WNT3: variants seen among roughly 807,000 people sequenced by gnomAD.
The protein encoded by WNT3 is Wnt family member 3, also known as proto-oncogene Wnt-3.
Under a neutral mutation model 34.2 loss-of-function variants are expected in WNT3, and 7 were observed. That is an observed-to-expected ratio of 0.20 (90% CI 0.12 to 0.38). The LOEUF (loss-of-function observed/expected upper bound fraction) is 0.38. Ranked by LOEUF, WNT3 falls within the 10% of genes least tolerant of loss-of-function variation. The probability of loss-of-function intolerance (pLI) is 1.00; values close to 1 mark genes in which losing one functional copy is unlikely to be tolerated. For missense variants in WNT3, 267 were observed against 499.8 expected, an observed-to-expected ratio of 0.53 and a Z score of 4.44; for synonymous variants, 212 against 211.5, an observed-to-expected ratio of 1.00 and a Z score of -0.02.
intron 1 of WNT3, 51 bp from the exon 2 acceptor site, chr17:46,773,960 A>G: frequency 1.3e-6 from 2 of 1,592,230 alleles, no homozygotes; most frequent in South Asian, 1.1e-5. Context: ...CACAGAGCCC[A>G]TCCTGGGCAC....
chr17:46,771,855 C>G (rs2059375595), intron 2 of WNT3, among the ~76,000 whole-genome samples: 1 of 144,784 alleles, frequency 6.9e-6, no homozygotes, highest in African/African-American at 2.5e-5. Flanking sequence ...GGGCGCTTTT[C>G]AGGCCGCCCA....
rs182704186 is a variant in WNT3, at chr17:46,804,504, C to T, written c.80+14014G>A. Among the ~76,000 whole-genome samples the T allele has an allele frequency of 2.1e-3, 322 of 152,290 alleles. 1 individual carries two copies. The Middle Eastern group carries it at 0.037, about 18-fold the overall frequency. ...AAGGGAAGTGCTGTAAGACACCAGA[C>T]GGAAGCCTCTAAATCAGAGAGCTGA... On this transcript the variant is annotated intron_variant, in intron 1 of 4. Coordinates refer to ENST00000225512, the MANE Select transcript of WNT3 (RefSeq NM_030753.5).
At chr17:46,779,569 C>G (rs1247121947) in intron 1 of WNT3, among the ~76,000 whole-genome samples, 1 of 152,174 alleles carries the variant, frequency 6.6e-6, no homozygotes, top group Non-Finnish European at 1.5e-5. Context: ...GCACAACAGG[C>G]TGCTTGTGGA....
At chr17:46,785,806 C>T (rs2059499635) in intron 1 of WNT3, among the ~76,000 whole-genome samples, 1 of 152,070 alleles carries the variant, frequency 6.6e-6, no homozygotes, top group African/African-American at 2.4e-5. Flanking sequence ...GTGCTCCATC[C>T]CAGGGAGCCC....
intron 2 of WNT3, among the ~76,000 whole-genome samples, chr17:46,771,742 G>A (rs1161922062): frequency 8.6e-6 from 1 of 115,736 alleles, no homozygotes; most frequent in African/African-American, 3.2e-5. Flanking sequence ...AATCCCCATT[G>A]AAGCGGCGCC....
chr17:46,794,524 AG>A (rs1186328380), intron 1 of WNT3, among the ~76,000 whole-genome samples: 1 of 152,180 alleles, frequency 6.6e-6, no homozygotes, highest in Non-Finnish European at 1.5e-5. Flanking sequence ...AGCTCTGAGA[AG>A]GGCTCTTCAA....
rs143378027 is a variant in WNT3, at chr17:46,799,694, C to A, written c.80+18824G>T. Among the ~76,000 whole-genome samples the A allele has an allele frequency of 2.0e-4, 30 of 152,280 alleles. 2 individuals carry two copies. The South Asian group carries it at 6.2e-3, about 32-fold the overall frequency. ...AACTCCTGACCTCAAATGATCTGTC[C>A]GCCTTGGCCTCCCAAAATGTAGGGA... On this transcript the variant is annotated intron_variant, in intron 1 of 4. Coordinates refer to ENST00000225512, the MANE Select transcript of WNT3 (RefSeq NM_030753.5).
chr17:46,779,506 AG>A (rs1318469437), intron 1 of WNT3, among the ~76,000 whole-genome samples: 2 of 152,124 alleles, frequency 1.3e-5, no homozygotes, highest in African/African-American at 4.8e-5. Context: ...CCCACTGCCC[AG>A]CTGGGCCGAG....
chr17:46,796,235 T>A (rs2084052802), intron 1 of WNT3, among the ~76,000 whole-genome samples: 1 of 152,214 alleles, frequency 6.6e-6, no homozygotes, highest in Non-Finnish European at 1.5e-5. Context: ...ATTGAAATGA[T>A]GTAGATAAAG....
chr17:46,812,289 C>G (rs2084286556), intron 1 of WNT3, among the ~76,000 whole-genome samples: 1 of 152,188 alleles, frequency 6.6e-6, no homozygotes, highest in African/African-American at 2.4e-5. Context: ...GGGGAGGAGG[C>G]AGAAGTCTGG....
At chr17:46,797,177 G>A (rs895115617) in intron 1 of WNT3, among the ~76,000 whole-genome samples, 1 of 152,270 alleles carries the variant, frequency 6.6e-6, no homozygotes, top group Admixed American at 6.5e-5. Context: ...TGCCTGTGGC[G>A]ATTCTTAAGT....
chr17:46,789,141 G>C (rs1417268296), intron 1 of WNT3, among the ~76,000 whole-genome samples: 1 of 152,134 alleles, frequency 6.6e-6, no homozygotes, highest in Non-Finnish European at 1.5e-5. Flanking sequence ...GTCTTGCAAG[G>C]ACTCTTACCT....
intron 2 of WNT3, among the ~76,000 whole-genome samples, chr17:46,771,440 G>C (rs2059368600): frequency 6.6e-6 from 1 of 150,516 alleles, no homozygotes; most frequent in Non-Finnish European, 1.5e-5. Flanking sequence ...GCCTCTCGCG[G>C]CGGCAGCGGC....
intron 1 of WNT3, among the ~76,000 whole-genome samples, chr17:46,808,562 T>C (rs2084227468): frequency 6.6e-6 from 1 of 152,192 alleles, no homozygotes; most frequent in Non-Finnish European, 1.5e-5. Context: ...GGCTGCACTG[T>C]GGGACTCCCT....
intron 1 of WNT3, among the ~76,000 whole-genome samples, chr17:46,791,035 G>A (rs1285124766): frequency 3.9e-5 from 6 of 152,072 alleles, no homozygotes; most frequent in Non-Finnish European, 7.4e-5. Flanking sequence ...TTTCTTAGCT[G>A]TGCAGTGGGG....
At chr17:46,769,683 C>G in intron 3 of WNT3, 100 bp downstream of exon 3, 1 of 1,523,950 alleles carries the variant, frequency 6.6e-7, no homozygotes, top group South Asian at 1.2e-5. Context: ...GCCCGCGACC[C>G]ACAGGGCTGC....
intron 1 of WNT3, among the ~76,000 whole-genome samples, chr17:46,796,152 C>T (rs942271977): frequency 1.3e-5 from 2 of 152,176 alleles, no homozygotes; most frequent in African/African-American, 2.4e-5. Flanking sequence ...CCCATTACCA[C>T]GTTTCCTTGG....
chr17:46,784,310 G>A (rs1317771819), intron 1 of WNT3, among the ~76,000 whole-genome samples: 1 of 152,182 alleles, frequency 6.6e-6, no homozygotes, highest in Admixed American at 6.5e-5. Flanking sequence ...GGAACAAGAC[G>A]AGGAAGTGCG....
chr17:46,763,006 G>A lies in WNT3; in HGVS notation c.*1624C>T, dbSNP rs1033026604. 50 of 152,164 alleles carry A rather than the reference G, an allele frequency of 3.3e-4. No homozygotes were observed. The highest frequency in any genetic ancestry group is 1.0e-3 in the African/African-American group (42 of 41,442). The allele number at this position is 152,164 out of a possible 1,614,324, so 9.4% of individuals were successfully genotyped here. A position where few individuals can be genotyped will look rare whatever the true frequency, so the allele number is the denominator to read the frequency against. ...AGGTGAGATGGGGAGGGGCATTTCAGACTTGGCGGAGGGGGTGAGATGTGT... is the reference window on the plus strand; with the variant it reads ...AGGTGAGATGGGGAGGGGCATTTCAAACTTGGCGGAGGGGGTGAGATGTGT... On this transcript the variant is annotated 3_prime_UTR_variant, in exon 5 of 5. Transcript: ENST00000225512.
Sources: gnomAD v4.1 joint callset for allele counts (sites outside exome capture counted in the v4.1 genomes callset) on GRCh38, gnomAD v4.1.1 for gene constraint, MANE v1.5 for transcripts, NCBI Gene and HGNC (gene_info 2026-07-23, HGNC 2026-07-21) for gene names.